The following FNTA variants were observed in gnomAD, a reference collection of about 807,000 sequenced individuals.
The protein encoded by FNTA is farnesyltransferase, CAAX box, subunit alpha, also known as protein farnesyltransferase/geranylgeranyltransferase type-1 subunit alpha.
Under a neutral mutation model 55.2 loss-of-function variants are expected in FNTA, and 27 were observed. The ratio of observed to expected loss-of-function variants is 0.49; its 90% CI spans 0.36 to 0.67. FNTA has a LOEUF of 0.67. FNTA is among the 30% of genes least tolerant of loss of function. FNTA has a pLI of 0.00. For synonymous variants in FNTA, 176 were observed against 170.7 expected, an observed-to-expected ratio of 1.03 and a Z score of -0.24; for missense variants, 422 against 464.7, an observed-to-expected ratio of 0.91 and a Z score of 0.85.
chr8:43,082,328 C>A (rs1811041945), intron 6 of FNTA: 1 of 152,148 alleles, frequency 6.6e-6, no homozygotes, highest in South Asian at 2.1e-4. Flanking sequence ...GAAATACATT[C>A]TTGTGTTGAT....
In FNTA at chr8:43,072,315, C is replaced by T. The variant is rs747288541; in HGVS notation, c.633+8C>T. ...CGACAATGGGTTATTCAGGTATTGC[C>T]TTTCTTGTACAGTGTTTTTCAGATT... On this transcript the variant is annotated splice_region_variant and intron_variant, in intron 5 of 8. Transcript: ENST00000302279. 6.5e-7 allele frequency: 1 copy of T among 1,535,548 alleles called. No homozygotes were observed. Among genetic ancestry groups the T allele is most frequent in the South Asian group, 1.3e-5 (1 of 79,332 alleles).
rs1192668031 is a variant in FNTA, at chr8:43,077,284, C to T, written c.702C>T (p.Asn234=). ...DQLLKEDVRN[N]SVWNQRYFVI... is the part of the protein sequence containing the mutation. ...TTCTGAAAGAGGATGTGAGAAATAA[C>T]TCTGTCTGGAACCAAAGATACTTCG... is the stretch of plus-strand genomic sequence containing the variant. Residue 234 remains asparagine, a synonymous_variant, in exon 6 of 9, where the codon AAC becomes AAT. Transcript: ENST00000302279. The T allele has an allele frequency of 1.2e-6, 2 of 1,611,814 alleles. No homozygotes were observed. Among genetic ancestry groups the T allele is most frequent in the Non-Finnish European group, 1.7e-6 (2 of 1,178,610 alleles).
chr8:43,072,334 T>C (rs769712603), intron 5 of FNTA, 27 bp downstream of exon 5: 1 of 1,495,496 alleles, frequency 6.7e-7, no homozygotes. Context: ...ACAGTGTTTT[T>C]CAGATTTTTT....
At chr8:43,082,675 TGA>T (rs1178002875) in intron 6 of FNTA, 3 of 152,824 alleles carry the variant, frequency 2.0e-5, no homozygotes, top group Admixed American at 2.0e-4. Flanking sequence ...TAAATATGAC[TGA>T]GAGAGGTGCC....
At chr8:43,060,425 A>G (rs1049710206) in intron 2 of FNTA, among the ~76,000 whole-genome samples, 5 of 152,192 alleles carry the variant, frequency 3.3e-5, no homozygotes, top group African/African-American at 1.2e-4. Context: ...CTGTAATCCC[A>G]GTACTTTGGG....
At chr8:43,074,670 C>G (rs1810869253) in intron 5 of FNTA, among the ~76,000 whole-genome samples, 2 of 152,154 alleles carry the variant, frequency 1.3e-5, no homozygotes, top group South Asian at 4.1e-4. Context: ...TCTCAGGTTT[C>G]ATACTGTATG....
At chr8:43,075,131 T>C (rs1810880454) in intron 5 of FNTA, among the ~76,000 whole-genome samples, 1 of 152,206 alleles carries the variant, frequency 6.6e-6, no homozygotes, top group Non-Finnish European at 1.5e-5. Flanking sequence ...TGTTTTTCAT[T>C]ATTAGACTCT....
intron 1 of FNTA, among the ~76,000 whole-genome samples, chr8:43,058,000 G>A (rs1369309811): frequency 6.6e-6 from 1 of 151,492 alleles, no homozygotes; most frequent in Non-Finnish European, 1.5e-5. Flanking sequence ...ATAAGTGAAA[G>A]TGTTTAAGAG....
At chr8:43,068,693 T>C (rs1810717347) in intron 3 of FNTA, among the ~76,000 whole-genome samples, 1 of 152,204 alleles carries the variant, frequency 6.6e-6, no homozygotes, top group South Asian at 2.1e-4. Context: ...TTTTCTTCTA[T>C]CTCATACTTG....
chr8:43,064,180 T>A lies in FNTA; in HGVS notation c.366T>A (p.Asp122Glu), dbSNP rs1255895157. ...AACGAGCTTTTAAGCTAACCCGGGATGCTATTGAGTTAAATGCAGCCAATT... is the reference window on the plus strand; with the variant it reads ...AACGAGCTTTTAAGCTAACCCGGGAAGCTATTGAGTTAAATGCAGCCAATT... ...RSERAFKLTR[D>E]AIELNAANYT... Residue 122 changes from aspartate to glutamate, a missense_variant, in exon 3 of 9, where the codon GAT (aspartate) becomes GAA (glutamate). Coordinates refer to ENST00000302279, the MANE Select transcript of FNTA (RefSeq NM_002027.3). The A allele has an allele frequency of 2.5e-6, 4 of 1,612,322 alleles. No homozygotes were observed. Among genetic ancestry groups the A allele is most frequent in the Non-Finnish European group, 3.4e-6 (4 of 1,178,494 alleles).
intron 4 of FNTA, among the ~76,000 whole-genome samples, chr8:43,071,897 C>T (rs1213875128): frequency 6.6e-6 from 1 of 152,082 alleles, no homozygotes; most frequent in Non-Finnish European, 1.5e-5. Context: ...AATAATAGCA[C>T]ATTTTGTCTT....
chr8:43,072,332 T>C (rs748249232), intron 5 of FNTA, 25 bp downstream of exon 5: 17 of 1,495,464 alleles, frequency 1.1e-5, no homozygotes, highest in East Asian at 4.9e-5. Context: ...GTACAGTGTT[T>C]TTCAGATTTT....
chr8:43,063,134 C>T lies in FNTA; in HGVS notation c.287-967C>T, dbSNP rs530985482. On this transcript the variant is annotated intron_variant, in intron 2 of 8. Transcript: ENST00000302279. ...ACAGTGTTGTGCTGTCACCCAGGCT[C>T]GGTGCTTGCGATCATGGCTCACTGC... 721 of 345,354 alleles carry T rather than the reference C, an allele frequency of 2.1e-3. 9 individuals are homozygous for T. The highest frequency in any genetic ancestry group is 9.2e-3 in the South Asian group (429 of 46,380). The allele number at this position is 345,354 out of a possible 1,614,324, so 21.4% of individuals were successfully genotyped here.
intron 8 of FNTA, 79 bp from the exon 9 acceptor site, chr8:43,085,081 G>A (rs1027398575): frequency 7.0e-6 from 9 of 1,288,614 alleles, no homozygotes; most frequent in Middle Eastern, 2.0e-4. Context: ...TGTGATTTGA[G>A]TTAAATTGTA....
chr8:43,079,441 G>T, intron 6 of FNTA: 2 of 153,874 alleles, frequency 1.3e-5, no homozygotes, highest in South Asian at 3.5e-4. Context: ...TCTATAAATG[G>T]AACAACAAAG....
intron 5 of FNTA, chr8:43,076,593 A>G (rs1447770873): frequency 1.3e-5 from 2 of 152,204 alleles, no homozygotes; most frequent in Non-Finnish European, 2.9e-5. Context: ...ATATATTAAT[A>G]TCGGCCAGGT....
chr8:43,084,379 T>C (rs1168182877), intron 7 of FNTA, among the ~76,000 whole-genome samples: 3 of 151,916 alleles, frequency 2.0e-5, no homozygotes, highest in African/African-American at 7.3e-5. Context: ...CCACTAGGCA[T>C]GGCTGATTTT....
chr8:43,085,127 C>T (rs746538880), intron 8 of FNTA, 33 bp from the exon 9 acceptor site: 2 of 1,480,214 alleles, frequency 1.4e-6, no homozygotes, highest in East Asian at 4.6e-5. Flanking sequence ...AATTGAATTA[C>T]ATATTACTTT....
intron 6 of FNTA, chr8:43,082,235 T>G (rs958807618): frequency 6.6e-6 from 1 of 152,226 alleles, no homozygotes; most frequent in Non-Finnish European, 1.5e-5. Context: ...TTAATCTGTT[T>G]AAGGGGAAGA....
Sources: allele counts gnomAD v4.1 joint callset (sites outside exome capture counted in the v4.1 genomes callset), GRCh38; gene constraint gnomAD v4.1.1; transcripts MANE v1.5; gene names NCBI Gene and HGNC (gene_info 2026-07-23, HGNC 2026-07-21).